Variants in ATG13 observed in about 807,000 individuals in gnomAD.
The protein encoded by ATG13 is autophagy related 13.
ATG13 carries 23 observed loss-of-function variants against 65.5 expected under a neutral mutation model. The observed-to-expected ratio is 0.35, with a 90% CI of 0.25 to 0.50. The LOEUF is 0.50. ATG13 is among the 20% of genes least tolerant of loss of function. ATG13 has a pLI of 0.98. For synonymous variants in ATG13, 252 were observed against 245.2 expected, an observed-to-expected ratio of 1.03 and a Z score of -0.26; for missense variants, 566 against 677.0, an observed-to-expected ratio of 0.84 and a Z score of 1.82.
intron 11 of ATG13, among the ~76,000 whole-genome samples, chr11:46,660,667 C>G (rs55896955): frequency 0.14 from 21,353 of 151,180 alleles, 1,572 homozygotes; most frequent in Non-Finnish European, 0.17. Flanking sequence ...CTCGGCCTCC[C>G]AAAGTGCTGG....
At chr11:46,640,422 C>T (rs1296538845) in intron 2 of ATG13, among the ~76,000 whole-genome samples, 2 of 152,154 alleles carry the variant, frequency 1.3e-5, no homozygotes, top group African/African-American at 4.8e-5. Context: ...GTATATCCAA[C>T]GAAGTACTTG....
At chr11:46,648,245 G>A (rs1031858315) in intron 5 of ATG13, among the ~76,000 whole-genome samples, 6 of 151,974 alleles carry the variant, frequency 3.9e-5, no homozygotes, top group South Asian at 2.1e-4. Flanking sequence ...ACAGGCACCC[G>A]CTACCACGCC....
At chr11:46,619,127 A>G (rs888650090) in intron 1 of ATG13, among the ~76,000 whole-genome samples, 1 of 152,158 alleles carries the variant, frequency 6.6e-6, no homozygotes, top group Non-Finnish European at 1.5e-5. Flanking sequence ...AGGAGAGTGC[A>G]TAGAGTTGCT....
chr11:46,664,304 G>A (rs1326460297), intron 12 of ATG13, among the ~76,000 whole-genome samples: 2 of 152,122 alleles, frequency 1.3e-5, no homozygotes, highest in Admixed American at 6.5e-5. Flanking sequence ...TACCATTGAT[G>A]TGAAAAATAC....
chr11:46,649,098 AT>A, intron 5 of ATG13, 38 bp from the exon 6 acceptor site: 1 of 1,581,130 alleles, frequency 6.3e-7, no homozygotes, highest in Non-Finnish European at 8.6e-7. Flanking sequence ...GAAATTAAAA[AT>A]TTTTTAAACA....
chr11:46,646,141 G>GT (rs1297907604), intron 5 of ATG13, 152 bp downstream of exon 5: 2 of 1,175,456 alleles, frequency 1.7e-6, no homozygotes, highest in African/African-American at 3.1e-5. Context: ...GTTCTTTTTT[G>GT]TTTGTTTGTT....
intron 1 of ATG13, among the ~76,000 whole-genome samples, chr11:46,626,520 G>A (rs2049715256): frequency 6.6e-6 from 1 of 152,198 alleles, no homozygotes; most frequent in Non-Finnish European, 1.5e-5. Context: ...AGAGTGCTGG[G>A]ATTACAAGCG....
intron 1 of ATG13, among the ~76,000 whole-genome samples, chr11:46,627,578 C>A (rs1444479003): frequency 1.3e-5 from 2 of 151,882 alleles, no homozygotes; most frequent in African/African-American, 2.4e-5. Flanking sequence ...TCAAGCGATT[C>A]TCCTGCCTCA....
In ATG13 at chr11:46,669,551, C is replaced by T; in HGVS notation, c.1575+19C>T. 1.2e-6 allele frequency: 2 copies of T among 1,613,314 alleles called. No individual in the cohort carries two copies. The highest frequency in any genetic ancestry group is 1.7e-6 in the Non-Finnish European group (2 of 1,179,506). On this transcript the variant is annotated intron_variant, in intron 18 of 18. Coordinates refer to ENST00000683050, the MANE Select transcript of ATG13 (RefSeq NM_001346311.2). ...AGACTTGGTATGGAAACGTCTTCCTCTACCACAGTGCATCCTTATTTGATG... is the reference window on the plus strand; with the variant it reads ...AGACTTGGTATGGAAACGTCTTCCTTTACCACAGTGCATCCTTATTTGATG...
At position 46,667,791 on chromosome 11, in the gene ATG13, A is replaced by G. The variant is rs747052809; in HGVS notation, c.1155A>G (p.Val385=). The G allele has an allele frequency of 6.2e-7, 1 of 1,608,842 alleles. No homozygotes were observed. Among genetic ancestry groups the G allele is most frequent in the Non-Finnish European group, 8.5e-7 (1 of 1,175,804 alleles). The change falls in exon 15 of 19, where the codon GTA becomes GTG. Residue 385 remains valine, a synonymous_variant. Coordinates refer to ENST00000683050, the MANE Select transcript of ATG13 (RefSeq NM_001346311.2). ...TPSSSEDTET[V]SNSSEGRASP... ...CCTCCAGTGAGGATACTGAAACCGTATCAAACAGCAGTGAGGGACGGGCCT... is the reference window on the plus strand; with the variant it reads ...CCTCCAGTGAGGATACTGAAACCGTGTCAAACAGCAGTGAGGGACGGGCCT...
chr11:46,646,087 C>G, intron 5 of ATG13, 98 bp downstream of exon 5: 4 of 1,443,546 alleles, frequency 2.8e-6, no homozygotes, highest in Non-Finnish European at 3.7e-6. Context: ...CCCCTTTCCT[C>G]TCTGATATTC....
At chr11:46,664,520 G>A (rs1404775056) in intron 12 of ATG13, among the ~76,000 whole-genome samples, 5 of 152,190 alleles carry the variant, frequency 3.3e-5, no homozygotes, top group African/African-American at 7.2e-5. Context: ...CCAGTTCTGC[G>A]CAGGCTTGTG....
At chr11:46,643,545 C>G (rs922503016) in intron 2 of ATG13, among the ~76,000 whole-genome samples, 1 of 151,746 alleles carries the variant, frequency 6.6e-6, no homozygotes, top group African/African-American at 2.4e-5. Context: ...CCTCTTTGTT[C>G]ATGCTCGTCT....
chr11:46,631,766 C>G (rs1227408962), intron 2 of ATG13, among the ~76,000 whole-genome samples: 2 of 152,036 alleles, frequency 1.3e-5, no homozygotes, highest in Admixed American at 6.6e-5. Flanking sequence ...GTGGTCTCAG[C>G]TACTTGAGAG....
chr11:46,624,196 G>A (rs976442993), intron 1 of ATG13, among the ~76,000 whole-genome samples: 3 of 151,878 alleles, frequency 2.0e-5, no homozygotes, highest in African/African-American at 4.8e-5. Context: ...TAGAGAAAGG[G>A]TTTCGCCATG....
chr11:46,661,725 G>A (rs1201984332), intron 11 of ATG13, among the ~76,000 whole-genome samples: 1 of 152,090 alleles, frequency 6.6e-6, no homozygotes, highest in Non-Finnish European at 1.5e-5. Context: ...CAGCTGCTTG[G>A]AAGGCTGATC....
At chr11:46,672,185 C>T (rs879184547) in intron 18 of ATG13, 70 bp from the exon 19 acceptor site, 21 of 1,608,058 alleles carry the variant, frequency 1.3e-5, no homozygotes, top group African/African-American at 9.4e-5. Flanking sequence ...CTCCCCTCTT[C>T]GGGACTGGGC....
Position 46,657,607 on chromosome 11 carries a change from A to C in ATG13, c.680A>C (p.His227Pro). The C allele has an allele frequency of 6.2e-7, 1 of 1,602,400 alleles. No homozygotes were observed. The highest frequency in any genetic ancestry group is 8.5e-7 in the Non-Finnish European group (1 of 1,174,822). Residue 227 changes from histidine (H) to proline (P), a missense_variant, in exon 10 of 19, where the codon CAC becomes CCC. This residue lies in a region of ATG13 where 387 missense variants were observed against 409.8 expected (regional missense o/e 0.94). Coordinates refer to ENST00000683050, the MANE Select transcript of ATG13 (RefSeq NM_001346311.2). ...CCCTATCCCAGCTCCTCTCCCATGC[A>C]CCCCTGCAATTACAGGTGAGGAATG... ...DRPYPSSSPM[H>P]PCNYRTAGED...
intron 1 of ATG13, among the ~76,000 whole-genome samples, chr11:46,626,795 T>G (rs948150882): frequency 6.6e-6 from 1 of 152,230 alleles, no homozygotes; most frequent in Non-Finnish European, 1.5e-5. Flanking sequence ...TTCTTACATT[T>G]ATTTATTGTA....
Sources: allele counts gnomAD v4.1 joint callset (sites outside exome capture counted in the v4.1 genomes callset), GRCh38; gene constraint gnomAD v4.1.1; regional missense constraint gnomAD v4.1.1; transcripts MANE v1.5; gene names NCBI Gene and HGNC (gene_info 2026-07-23, HGNC 2026-07-21).